NSL1: variants seen among roughly 807,000 people sequenced by gnomAD.
The protein encoded by NSL1 is NSL1 component of MIS12 kinetochore complex, also known as kinetochore-associated protein NSL1 homolog.
NSL1 carries 11 observed loss-of-function variants against 25.4 expected under a neutral mutation model. That is an observed-to-expected ratio of 0.43 (90% CI 0.27 to 0.72). The LOEUF (loss-of-function observed/expected upper bound fraction) is 0.72. Among genes scored for constraint, NSL1 ranks in the 30% least tolerant of loss-of-function variants. The pLI, the probability that NSL1 is intolerant of heterozygous loss-of-function variation, is 0.19. For missense variants in NSL1, 330 were observed against 342.7 expected, an observed-to-expected ratio of 0.96 and a Z score of 0.29; for synonymous variants, 118 against 120.6, an observed-to-expected ratio of 0.98 and a Z score of 0.14.
chr1:212,732,640 G>C lies in NSL1; in HGVS notation c.*5768C>G. ...GGTCTGCCTAGTCTCCAAATCTGCT[G>C]ATTAGTTAGTAGCCTGTAGACTCGA... On this transcript the variant is annotated 3_prime_UTR_variant, in exon 6 of 6. Transcript: ENST00000366977. The C allele has an allele frequency of 1.0e-6, 1 of 985,376 alleles. No homozygotes were observed. Among genetic ancestry groups the C allele is most frequent in the Non-Finnish European group, 1.2e-6 (1 of 829,912 alleles). The allele number at this position is 985,376 out of a possible 1,614,324, so 61.0% of individuals were successfully genotyped here. A position where few individuals can be genotyped will look rare whatever the true frequency, so the allele number is the denominator to read the frequency against.
At chr1:212,771,156 A>G (rs1346780229) in intron 4 of NSL1, among the ~76,000 whole-genome samples, 1 of 152,156 alleles carries the variant, frequency 6.6e-6, no homozygotes, top group Non-Finnish European at 1.5e-5. Context: ...TCTACTAAAA[A>G]TACAAAAATT....
chr1:212,790,941 AAAAT>A (rs375818985), intron 1 of NSL1, among the ~76,000 whole-genome samples: 47 of 151,724 alleles, frequency 3.1e-4, no homozygotes, highest in African/African-American at 1.1e-3. Flanking sequence ...AAAATAAAAT[AAAAT>A]AAATAAATAA....
At chr1:212,751,696 A>G (rs1659072162) in intron 4 of NSL1, among the ~76,000 whole-genome samples, 1 of 120,014 alleles carries the variant, frequency 8.3e-6, no homozygotes, top group Non-Finnish European at 1.9e-5. Context: ...AGTAGCACCA[A>G]TAATTAATAA....
intron 4 of NSL1, among the ~76,000 whole-genome samples, chr1:212,749,339 G>GTTTTTTTTTTTTTTT (rs10717383): frequency 1.3e-5 from 1 of 76,952 alleles, no homozygotes; most frequent in South Asian, 5.1e-4. Context: ...GTTTTATTGT[G>GTTTTTTTTTTTTTTT]TTTTTTTTTT....
chr1:212,758,130 CAAT>C (rs1488193609), intron 4 of NSL1, among the ~76,000 whole-genome samples: 37 of 152,076 alleles, frequency 2.4e-4, no homozygotes, highest in African/African-American at 8.5e-4. Flanking sequence ...CAAGAAAAAG[CAAT>C]AATATTATTT....
chr1:212,732,458 A>G lies in NSL1; in HGVS notation c.*5950T>C, dbSNP rs1253861535. 3 of 359,674 alleles carry G rather than the reference A, an allele frequency of 8.3e-6. No individual in the cohort carries two copies. The highest frequency in any genetic ancestry group is 1.2e-5 in the Non-Finnish European group (3 of 258,322). 22.3% of individuals were successfully genotyped at this position (359,674 alleles called of 1,614,324 possible). A position where few individuals can be genotyped will look rare whatever the true frequency, so the allele number is the denominator to read the frequency against. On this transcript the variant is annotated 3_prime_UTR_variant, in exon 6 of 6. Transcript: ENST00000366977. ...CTCCTGAGTAGCTGGGATTACAGGC[A>G]TGCGCCACCACGCCCAGCTAATTTT...
chr1:212,749,715 A>G (rs1294292433), intron 4 of NSL1, among the ~76,000 whole-genome samples: 1 of 152,056 alleles, frequency 6.6e-6, no homozygotes, highest in Non-Finnish European at 1.5e-5. Context: ...ATCTCATGCT[A>G]CCTTAAAAAG....
At position 212,727,338 on chromosome 1, in the gene NSL1, T is replaced by C; in HGVS notation, c.*11070A>G. ...TTCCAAATTACTGAGGGGCAGTAAG[T>C]CCTGGCACTCAGCACATGGCAGGAA... On this transcript the variant is annotated 3_prime_UTR_variant, in exon 6 of 6. Coordinates refer to ENST00000366977, the MANE Select transcript of NSL1 (RefSeq NM_015471.4). The C allele has an allele frequency of 4.1e-6, 4 of 985,410 alleles. No individual in the cohort carries two copies. The highest frequency in any genetic ancestry group is 3.6e-6 in the Non-Finnish European group (3 of 829,930). 61.0% of individuals were successfully genotyped at this position (985,410 alleles called of 1,614,324 possible).
intron 4 of NSL1, among the ~76,000 whole-genome samples, chr1:212,771,697 T>C (rs75389725): frequency 0.023 from 3,429 of 150,180 alleles, 61 homozygotes; most frequent in South Asian, 0.041. Context: ...AAATCAGTAG[T>C]GTTTCTATAC....
chr1:212,738,839 T>G (rs940019894), intron 5 of NSL1, among the ~76,000 whole-genome samples, 153 bp from the exon 6 acceptor site: 4 of 152,034 alleles, frequency 2.6e-5, no homozygotes, highest in African/African-American at 9.7e-5. Context: ...CTCAGCTCAC[T>G]GCAATCTCCA....
Position 212,734,413 on chromosome 1 carries a change from TAAA to T in NSL1, c.*3992_*3994del, listed in dbSNP as rs762974581. On this transcript the variant is annotated 3_prime_UTR_variant, in exon 6 of 6. Coordinates refer to ENST00000366977, the MANE Select transcript of NSL1 (RefSeq NM_015471.4). ...TTGTGCATTTTTAAAATATAAAACTTAAATAAAGTGCAGAAATTTTAAGTGTAT... is the reference window on the plus strand; with the variant it reads ...TTGTGCATTTTTAAAATATAAAACTTTAAAGTGCAGAAATTTTAAGTGTAT... Among the ~76,000 whole-genome samples the T allele has an allele frequency of 6.8e-4, 104 of 152,218 alleles. 1 individual carries two copies. The highest frequency in any genetic ancestry group is 7.9e-4 in the Admixed American group (12 of 15,282).
rs898151534 is a variant in NSL1 at position 212,735,746 on chromosome 1, C to T, written c.*2662G>A. ...GACACCAGAGAGCTTGCACTCTGTC[C>T]CTCTCTCCACATGCATGCACTGAGG... On this transcript the variant is annotated 3_prime_UTR_variant, in exon 6 of 6. Coordinates refer to ENST00000366977, the MANE Select transcript of NSL1 (RefSeq NM_015471.4). 1.2e-4 allele frequency among the ~76,000 whole-genome samples: 18 copies of T among 152,108 alleles called. No individual in the cohort carries two copies. The highest frequency in any genetic ancestry group is 4.3e-4 in the African/African-American group (18 of 41,410).
At chr1:212,772,418 G>A (rs1453749216) in intron 4 of NSL1, among the ~76,000 whole-genome samples, 1 of 152,122 alleles carries the variant, frequency 6.6e-6, no homozygotes, top group Non-Finnish European at 1.5e-5. Flanking sequence ...CTAGCACTTT[G>A]GGAGGCTGAG....
At position 212,737,728 on chromosome 1, in the gene NSL1, T is replaced by C. The variant is rs1009225800; in HGVS notation, c.*680A>G. On this transcript the variant is annotated 3_prime_UTR_variant, in exon 6 of 6. Coordinates refer to ENST00000366977, the MANE Select transcript of NSL1 (RefSeq NM_015471.4). ...CAAGTCAAATTATGTTAATGGTCTA[T>C]AGAAAAAAGTGAGTGTGGGCAGGAA... is the stretch of plus-strand genomic sequence containing the variant. The C allele has an allele frequency of 1.8e-5, 18 of 981,444 alleles. No individual in the cohort carries two copies. The highest frequency in any genetic ancestry group is 2.1e-5 in the Non-Finnish European group (17 of 826,412). The allele number at this position is 981,444 out of a possible 1,614,324, so 60.8% of individuals were successfully genotyped here. A position where few individuals can be genotyped will look rare whatever the true frequency, so the allele number is the denominator to read the frequency against.
Position 212,791,585 on chromosome 1 carries a change from A to G in NSL1, c.179T>C (p.Leu60Pro). The change falls in exon 1 of 6, where the codon CTC becomes CCC. Residue 60 changes from leucine to proline, a missense_variant. By Grantham distance (98) the Leu-to-Pro change is moderately conservative. Coordinates refer to ENST00000366977, the MANE Select transcript of NSL1 (RefSeq NM_015471.4). The stretch of plus-strand genomic sequence containing the variant: ...AATCTCCTCCGGCAGAGCGTCCCCG[A>G]GCTTTTGCACGAAGCGGCCGCACAG... ...LQLCGRFVQKLGDALPEEIRE... is the reference protein window; with the variant it reads ...LQLCGRFVQKPGDALPEEIRE... 1 of 1,613,694 alleles carries G rather than the reference A, an allele frequency of 6.2e-7. No individual in the cohort carries two copies. Among genetic ancestry groups the G allele is most frequent in the Non-Finnish European group, 8.5e-7 (1 of 1,179,994 alleles).
At chr1:212,756,992 G>T (rs1659341441) in intron 4 of NSL1, among the ~76,000 whole-genome samples, 3 of 152,156 alleles carry the variant, frequency 2.0e-5, no homozygotes, top group Non-Finnish European at 4.4e-5. Context: ...ATGATCAAGG[G>T]AGTCATAAGA....
intron 5 of NSL1, 27 bp downstream of exon 5, chr1:212,739,507 A>G: frequency 6.2e-7 from 1 of 1,609,120 alleles, no homozygotes; most frequent in Non-Finnish European, 8.5e-7. Context: ...TGTTCATTTG[A>G]TAATTTTTTT....
chr1:212,747,539 T>C lies in NSL1; in HGVS notation c.500-7938A>G, dbSNP rs184993582. 3.2e-4 allele frequency among the ~76,000 whole-genome samples: 48 copies of C among 152,334 alleles called. No homozygotes were observed. In the East Asian group the frequency reaches 8.7e-3, roughly 28 times the overall value. ...CTGCAGCTCCAAATGACATCTTGAC[T>C]ACAACCTTGTGAGAGCCCTATGCTA... is the stretch of plus-strand genomic sequence containing the variant. On this transcript the variant is annotated intron_variant, in intron 4 of 5. Transcript: ENST00000366977.
At chr1:212,774,894 C>T (rs1660285572) in intron 4 of NSL1, among the ~76,000 whole-genome samples, 1 of 152,168 alleles carries the variant, frequency 6.6e-6, no homozygotes, top group African/African-American at 2.4e-5. Context: ...ACAGCAGCAT[C>T]ATTCGTAGTA....
Sources: gnomAD v4.1 joint callset for allele counts (sites outside exome capture counted in the v4.1 genomes callset) on GRCh38, gnomAD v4.1.1 for gene constraint, MANE v1.5 for transcripts, NCBI Gene and HGNC (gene_info 2026-07-23, HGNC 2026-07-21) for gene names.